NEO1: variants seen among roughly 807,000 people sequenced by gnomAD.
NEO1 encodes the protein neogenin.
A neutral mutation model predicts 159.7 loss-of-function variants in NEO1; 63 were observed. That is an observed-to-expected ratio of 0.39 (90% CI 0.32 to 0.49). NEO1 has a LOEUF of 0.49. NEO1 is among the 20% of genes least tolerant of loss of function. The probability of loss-of-function intolerance (pLI) is 0.85; values close to 1 mark genes in which losing one functional copy is unlikely to be tolerated. For synonymous variants in NEO1, 633 were observed against 662.0 expected, an observed-to-expected ratio of 0.96 and a Z score of 0.67; for missense variants, 1,615 against 1,831.0, an observed-to-expected ratio of 0.88 and a Z score of 2.15.
chr15:73,183,365 G>A (rs1036948029), intron 7 of NEO1, among the ~76,000 whole-genome samples: 10 of 152,170 alleles, frequency 6.6e-5, no homozygotes, highest in African/African-American at 9.7e-5. Flanking sequence ...AAACCCCTGT[G>A]CTGCTTAGAG....
At chr15:73,283,229 TAA>T in intron 23 of NEO1, 118 bp downstream of exon 23, 1 of 1,212,614 alleles carries the variant, frequency 8.2e-7, no homozygotes, top group Non-Finnish European at 1.2e-6. Context: ...AAAAGGAATT[TAA>T]GATATTTTAA....
chr15:73,295,125 A>ATATATATATAT (rs2042306483), intron 26 of NEO1, among the ~76,000 whole-genome samples: 5 of 100,152 alleles, frequency 5.0e-5, no homozygotes, highest in African/African-American at 1.8e-4. Flanking sequence ...CTAAATATTA[A>ATATATATATAT]ATATATATAT....
chr15:73,234,480 G>A (rs1214605780), intron 7 of NEO1, among the ~76,000 whole-genome samples: 1 of 152,074 alleles, frequency 6.6e-6, no homozygotes, highest in Admixed American at 6.5e-5. Flanking sequence ...ACCTCATAGG[G>A]TTATTGTGTG....
At chr15:73,223,355 A>G (rs1160783064) in intron 7 of NEO1, among the ~76,000 whole-genome samples, 1 of 151,884 alleles carries the variant, frequency 6.6e-6, no homozygotes, top group African/African-American at 2.4e-5. Context: ...TGTCTTGATG[A>G]CCCATCTAGT....
rs1239346476 is a variant in NEO1, at chr15:73,244,489, C to G, written c.1597C>G (p.Gln533Glu). Residue 533 changes from glutamine (Q) to glutamate (E), a missense_variant, in exon 9 of 29, where the codon CAA becomes GAA. Transcript: ENST00000261908. ...ESSAPLRVET[Q>E]PEVQLPGPAP... ...TTCAGCTCCACTGCGAGTAGAAACACAACCTGAGGGTAAGTCTTCCACCTG... is the reference window on the plus strand; with the variant it reads ...TTCAGCTCCACTGCGAGTAGAAACAGAACCTGAGGGTAAGTCTTCCACCTG... 1 of 1,613,530 alleles carries G rather than the reference C, an allele frequency of 6.2e-7. No homozygotes were observed. The highest frequency in any genetic ancestry group is 8.5e-7 in the Non-Finnish European group (1 of 1,179,630).
intron 1 of NEO1, among the ~76,000 whole-genome samples, chr15:73,105,451 AT>A (rs1458667186): frequency 6.6e-6 from 1 of 152,208 alleles, no homozygotes; most frequent in Non-Finnish European, 1.5e-5. Context: ...GAATAAGGAC[AT>A]TTTCCTAAAT....
chr15:73,140,316 G>C (rs547802025), intron 5 of NEO1, among the ~76,000 whole-genome samples: 2 of 152,286 alleles, frequency 1.3e-5, no homozygotes, highest in African/African-American at 4.8e-5. Context: ...AGCACTTTGA[G>C]AGGCTGAGGC....
intron 1 of NEO1, among the ~76,000 whole-genome samples, chr15:73,085,185 T>TC (rs1364866195): frequency 6.6e-6 from 1 of 152,210 alleles, no homozygotes; most frequent in Non-Finnish European, 1.5e-5. Flanking sequence ...ACTGATCTAT[T>TC]CACCATCCCT....
rs149759233 is a variant in NEO1 at position 73,057,798 on chromosome 15, T to C, written c.130+4993T>C. Among the ~76,000 whole-genome samples the C allele has an allele frequency of 1.9e-3, 294 of 152,346 alleles. 2 individuals carry two copies. Among genetic ancestry groups the C allele is most frequent in the African/African-American group, 6.7e-3 (280 of 41,596 alleles). ...ATCATGGTGTATGTATAACTTGAAA[T>C]GTTTTCCTTTGACATTATACCATTT... On this transcript the variant is annotated intron_variant, in intron 1 of 28. Transcript: ENST00000261908.
At chr15:73,293,327 C>A in intron 25 of NEO1, 63 bp from the exon 26 acceptor site, 1 of 1,593,374 alleles carries the variant, frequency 6.3e-7, no homozygotes, top group South Asian at 1.1e-5. Flanking sequence ...TGCTCTTAAA[C>A]TGTGATTTGT....
chr15:73,074,122 C>G (rs2068659965), intron 1 of NEO1, among the ~76,000 whole-genome samples: 1 of 152,194 alleles, frequency 6.6e-6, no homozygotes, highest in African/African-American at 2.4e-5. Flanking sequence ...CTGATTTACA[C>G]AGCAGATTTT....
chr15:73,267,435 A>G (rs1175864464), intron 16 of NEO1, among the ~76,000 whole-genome samples: 1 of 152,070 alleles, frequency 6.6e-6, no homozygotes, highest in Non-Finnish European at 1.5e-5. Context: ...CATGTGCACA[A>G]CATGCAGGTT....
chr15:73,220,254 C>G (rs943745366), intron 7 of NEO1, among the ~76,000 whole-genome samples: 1 of 152,148 alleles, frequency 6.6e-6, no homozygotes, highest in African/African-American at 2.4e-5. Context: ...TATTGGCCCC[C>G]ACTCTCTTCT....
At chr15:73,267,131 G>C (rs568813991) in intron 16 of NEO1, among the ~76,000 whole-genome samples, 1 of 152,086 alleles carries the variant, frequency 6.6e-6, no homozygotes, top group Admixed American at 6.5e-5. Context: ...GGTGCTGGGC[G>C]CCTGTAGTCC....
At chr15:73,130,677 A>G (rs2030991777) in intron 4 of NEO1, among the ~76,000 whole-genome samples, 1 of 152,180 alleles carries the variant, frequency 6.6e-6, no homozygotes, top group Non-Finnish European at 1.5e-5. Context: ...CTTTTATCCT[A>G]GCCAGGCAGT....
chr15:73,272,348 T>C, intron 18 of NEO1, 107 bp from the exon 19 acceptor site: 1 of 698,586 alleles, frequency 1.4e-6, no homozygotes, highest in East Asian at 2.8e-5. Flanking sequence ...AAGCTTTATC[T>C]TTTTTGCCTT....
chr15:73,249,956 C>T (rs940201812), intron 11 of NEO1, among the ~76,000 whole-genome samples: 2 of 152,148 alleles, frequency 1.3e-5, no homozygotes, highest in African/African-American at 4.8e-5. Flanking sequence ...CATAAAGTGC[C>T]TCTTACTGGA....
At chr15:73,077,219 T>C (rs2068814274) in intron 1 of NEO1, among the ~76,000 whole-genome samples, 1 of 152,106 alleles carries the variant, frequency 6.6e-6, no homozygotes, top group Non-Finnish European at 1.5e-5. Context: ...AATTTTTGTA[T>C]TTCTAGTAGA....
In NEO1 at chr15:73,052,693, A is replaced by T; in HGVS notation, c.18A>T (p.Gly6=). The T allele has an allele frequency of 7.4e-7, 1 of 1,354,440 alleles. No homozygotes were observed. The highest frequency in any genetic ancestry group is 2.8e-5 in the Admixed American group (1 of 35,884). The allele number at this position is 1,354,440 out of a possible 1,614,324, so 83.9% of individuals were successfully genotyped here. A position where few individuals can be genotyped will look rare whatever the true frequency, so the allele number is the denominator to read the frequency against. ...GGGAAGAGATGGCGGCGGAGCGGGG[A>T]GCCCGGCGACTCCTCAGCACCCCCT... MAAER[G]ARRLLSTPSF... is the part of the protein sequence containing the mutation. Residue 6 remains glycine (G), a synonymous_variant, in exon 1 of 29, where the codon GGA becomes GGT. Transcript: ENST00000261908.
Sources: allele counts gnomAD v4.1 joint callset (sites outside exome capture counted in the v4.1 genomes callset), GRCh38; gene constraint gnomAD v4.1.1; transcripts MANE v1.5; gene names NCBI Gene and HGNC (gene_info 2026-07-23, HGNC 2026-07-21).